MDM1: variants seen among roughly 807,000 people sequenced by gnomAD.
MDM1 encodes stabilizer of axonemal microtubules 6.
A neutral mutation model predicts 89.1 loss-of-function variants in MDM1; 61 were observed. That is an observed-to-expected ratio of 0.68 (90% CI 0.56 to 0.85). MDM1 has a LOEUF of 0.85. MDM1 is among the 40% of genes least tolerant of loss of function. MDM1 has a pLI of 0.00. For synonymous variants in MDM1, 290 were observed against 294.1 expected (o/e 0.99, Z 0.14); for missense variants, 820 against 846.5 (o/e 0.97, Z 0.39).
Position 68,315,054 on chromosome 12 carries a change from C to G in MDM1, c.1423G>C (p.Asp475His), listed in dbSNP as rs1228408527. ...TTCCTGTCCCCTTCCTCTTCATTGTCGTCCTCCTCCTCTTTCTCCCCGGGC... is the reference window on the plus strand; with the variant it reads ...TTCCTGTCCCCTTCCTCTTCATTGTGGTCCTCCTCCTCTTTCTCCCCGGGC... Reference protein sequence around the residue: ...KQPGEKEEEDDNEEEGDRKTG... With the variant: ...KQPGEKEEEDHNEEEGDRKTG... The change falls in exon 10 of 15, where the codon GAC becomes CAC. Residue 475 changes from aspartate (D) to histidine (H), a missense_variant. Physicochemically the swap from Asp to His is moderately conservative, Grantham distance 81. Transcript: ENST00000682720. The G allele has an allele frequency of 1.9e-6, 3 of 1,613,994 alleles. No homozygotes were observed. Among genetic ancestry groups the G allele is most frequent in the African/African-American group, 1.3e-5 (1 of 74,888 alleles).
At position 68,332,267 on chromosome 12, in the gene MDM1, C is replaced by A. The variant is rs771922645; in HGVS notation, c.-22G>T. On this transcript the variant is annotated 5_prime_UTR_variant, in exon 1 of 15. Transcript: ENST00000682720. ...GCATGTCGCCCGGCGCCGGAGCCCC[C>A]GCTACTCCGACAGTTAACTGGAGAA... The A allele has an allele frequency of 2.7e-4, 430 of 1,581,760 alleles. No homozygotes were observed. Among genetic ancestry groups the A allele is most frequent in the Non-Finnish European group, 3.6e-4 (419 of 1,164,914 alleles).
chr12:68,300,018 T>C (rs1042395157), intron 13 of MDM1, among the ~76,000 whole-genome samples: 23 of 152,182 alleles, frequency 1.5e-4, no homozygotes, highest in Admixed American at 3.9e-4. Flanking sequence ...GCAGAAGGCA[T>C]TGGGGTCCTA....
intron 12 of MDM1, among the ~76,000 whole-genome samples, chr12:68,307,863 G>T (rs1445229490): frequency 6.7e-6 from 1 of 149,780 alleles, no homozygotes; most frequent in African/African-American, 2.5e-5. Flanking sequence ...GCTTGAGCCT[G>T]GAAGGCAGAG....
At chr12:68,308,778 T>C (rs1178261074) in intron 12 of MDM1, among the ~76,000 whole-genome samples, 1 of 152,190 alleles carries the variant, frequency 6.6e-6, no homozygotes, top group African/African-American at 2.4e-5. Context: ...AAAATAAAAC[T>C]ACCCTCCAAA....
At chr12:68,305,293 C>T (rs962913330) in intron 12 of MDM1, among the ~76,000 whole-genome samples, 12 of 152,094 alleles carry the variant, frequency 7.9e-5, no homozygotes, top group Non-Finnish European at 1.5e-4. Context: ...CCATCTATGA[C>T]AAACCCACAG....
intron 13 of MDM1, among the ~76,000 whole-genome samples, chr12:68,301,263 G>C (rs75932051): frequency 9.9e-5 from 15 of 152,190 alleles, no homozygotes; most frequent in African/African-American, 3.6e-4. Flanking sequence ...GGAACACCAC[G>C]GAATACTAAT....
At chr12:68,330,024 T>C (rs1220717275) in intron 2 of MDM1, among the ~76,000 whole-genome samples, 1 of 152,214 alleles carries the variant, frequency 6.6e-6, no homozygotes, top group Non-Finnish European at 1.5e-5. Flanking sequence ...TCCCCAGCAT[T>C]GTCCCCTCAG....
At chr12:68,314,085 C>T (rs1874108390) in intron 10 of MDM1, among the ~76,000 whole-genome samples, 1 of 142,826 alleles carries the variant, frequency 7.0e-6, no homozygotes, top group Admixed American at 7.5e-5. Flanking sequence ...TGCAGTGAGC[C>T]GATATCGTGC....
chr12:68,327,443 G>A (rs1046444236), intron 2 of MDM1: 53 of 1,535,758 alleles, frequency 3.5e-5, no homozygotes, highest in Non-Finnish European at 4.5e-5. Flanking sequence ...CTTATGTGGA[G>A]CAGACCAAGA....
intron 12 of MDM1, among the ~76,000 whole-genome samples, chr12:68,312,302 T>C (rs1375494108): frequency 6.6e-6 from 1 of 152,198 alleles, no homozygotes; most frequent in Non-Finnish European, 1.5e-5. Context: ...ATTTAGAGTG[T>C]CCAGAACGGA....
Position 68,308,153 on chromosome 12 carries a change from T to A in MDM1, c.1750-5281A>T, listed in dbSNP as rs1223053014. Among the ~76,000 whole-genome samples, 4 of 142,810 alleles carry A rather than the reference T, an allele frequency of 2.8e-5. No individual in the cohort carries two copies. In the East Asian group the frequency reaches 8.4e-4, roughly 30 times the overall value. 93.7% of individuals were successfully genotyped at this position (142,810 alleles called of 152,430 possible). On this transcript the variant is annotated intron_variant, in intron 12 of 14. Transcript: ENST00000682720. ...TTTTTTTTTTTTTTTTGAGATGGAG[T>A]CTCACTCTGTCGCCCAGGCTGGAGT... is the stretch of plus-strand genomic sequence containing the variant.
At position 68,326,811 on chromosome 12, in the gene MDM1, AC is replaced by A; in HGVS notation, c.343del (p.Val115PhefsTer26). ...ERVHSLEASR[V>X]PKRTRSHSAD... ...AGAGTGAGATCTGGTTCTTTTGGGA[AC>A]CCTGGAAGCTTCTAGTGAGTGAACT... On this transcript the variant is annotated frameshift_variant, in exon 3 of 15. Coordinates refer to ENST00000682720, the MANE Select transcript of MDM1 (RefSeq NM_001354969.2). LOFTEE classifies it high-confidence loss of function. 6.2e-7 allele frequency: 1 copy of A among 1,613,700 alleles called. No homozygotes were observed. Among genetic ancestry groups the A allele is most frequent in the Admixed American group, 1.7e-5 (1 of 59,984 alleles).
chr12:68,313,862 C>T lies in MDM1; in HGVS notation c.1530-109G>A, dbSNP rs1874067471. On this transcript the variant is annotated intron_variant, in intron 10 of 14. Transcript: ENST00000682720. ...AATAAAGTATAAAACTTGTAAGAGG[C>T]CAGGCGCGGTGGCTCACGCCCGTAA... 9 of 950,748 alleles carry T rather than the reference C, an allele frequency of 9.5e-6. No homozygotes were observed. In the South Asian group the frequency reaches 1.1e-4, roughly 12 times the overall value. The allele number at this position is 950,748 out of a possible 1,614,324, so 58.9% of individuals were successfully genotyped here.
At chr12:68,328,993 C>A (rs1244711332) in intron 2 of MDM1, among the ~76,000 whole-genome samples, 2 of 152,176 alleles carry the variant, frequency 1.3e-5, no homozygotes, top group Non-Finnish European at 2.9e-5. Flanking sequence ...CATTTCATCA[C>A]CTTCCCCTCA....
intron 13 of MDM1, among the ~76,000 whole-genome samples, chr12:68,297,219 C>A (rs528194405): frequency 2.0e-5 from 3 of 152,262 alleles, no homozygotes; most frequent in East Asian, 1.9e-4. Context: ...AGCATGTAAA[C>A]AAACTATGGA....
Position 68,299,224 on chromosome 12 carries a change from CA to C in MDM1, c.2003-2243del, listed in dbSNP as rs1455405935. 2.6e-5 allele frequency among the ~76,000 whole-genome samples: 4 copies of C among 151,968 alleles called. No homozygotes were observed. In the East Asian group the frequency reaches 7.7e-4, roughly 29 times the overall value. On this transcript the variant is annotated intron_variant, in intron 13 of 14. Coordinates refer to ENST00000682720, the MANE Select transcript of MDM1 (RefSeq NM_001354969.2). ...CCAGAAAGTAATTCTAGTAATATGA[CA>C]AAACAAGGTTCTATAACACCCTCAA...
In MDM1 at chr12:68,324,484, T is replaced by C. The variant is rs552952389; in HGVS notation, c.633+957A>G. ...TTTCAAAGGTATTTTAAAAATTGAA[T>C]AATAATTAAGCCCAAAGCTGCCACA... On this transcript the variant is annotated intron_variant, in intron 4 of 14. Transcript: ENST00000682720. 3.2e-4 allele frequency among the ~76,000 whole-genome samples: 49 copies of C among 152,282 alleles called. No individual in the cohort carries two copies. The South Asian group carries it at 9.3e-3, about 29-fold the overall frequency.
intron 12 of MDM1, among the ~76,000 whole-genome samples, chr12:68,303,670 C>T (rs536800455): frequency 2.0e-5 from 3 of 152,058 alleles, no homozygotes; most frequent in Non-Finnish European, 2.9e-5. Flanking sequence ...ATAGATTGCA[C>T]GTCGCCATAA....
At chr12:68,296,739 A>G (rs1455888737) in intron 14 of MDM1, among the ~76,000 whole-genome samples, 184 bp downstream of exon 14, 2 of 152,118 alleles carry the variant, frequency 1.3e-5, no homozygotes, top group Admixed American at 1.3e-4. Context: ...GTTTTTTACC[A>G]CTTTACTCCC....
Sources: allele counts gnomAD v4.1 joint callset (sites outside exome capture counted in the v4.1 genomes callset), GRCh38; gene constraint gnomAD v4.1.1; transcripts MANE v1.5; gene names NCBI Gene and HGNC (gene_info 2026-07-23, HGNC 2026-07-21).